DPP10: variants seen among roughly 807,000 people sequenced by gnomAD.
DPP10 encodes dipeptidyl peptidase like 10.
In DPP10, 33 loss-of-function variants were observed where a neutral mutation model predicts 120.9. That is an observed-to-expected ratio of 0.27 (90% CI 0.21 to 0.37). The LOEUF is 0.37. DPP10 is among the 10% of genes least tolerant of loss of function. DPP10 has a pLI of 1.00. For missense variants in DPP10, 816 were observed against 942.8 expected (o/e 0.87, Z 1.76); for synonymous variants, 337 against 326.1 (o/e 1.03, Z -0.36).
intron 1 of DPP10, among the ~76,000 whole-genome samples, chr2:115,124,253 T>A (rs2049964088): frequency 6.6e-6 from 1 of 152,172 alleles, no homozygotes; most frequent in South Asian, 2.1e-4. Flanking sequence ...GACTATGCCC[T>A]TTTCAAGCTT....
chr2:115,378,877 C>G (rs2066039203), intron 3 of DPP10, among the ~76,000 whole-genome samples: 2 of 152,118 alleles, frequency 1.3e-5, no homozygotes, highest in South Asian at 2.1e-4. Context: ...TATATTGAAC[C>G]AGCCTTGCAT....
intron 17 of DPP10, among the ~76,000 whole-genome samples, chr2:115,786,982 A>C (rs1683415651): frequency 6.6e-6 from 1 of 152,192 alleles, no homozygotes; most frequent in South Asian, 2.1e-4. Context: ...TGCTCAAGTT[A>C]TAATCAGCAC....
intron 1 of DPP10, among the ~76,000 whole-genome samples, chr2:115,091,794 A>C (rs772558609): frequency 6.6e-6 from 1 of 152,142 alleles, no homozygotes; most frequent in Non-Finnish European, 1.5e-5. Context: ...CTGAGTGTCC[A>C]TGTTTAGCCC....
At chr2:115,838,970 T>C (rs1316195192) in intron 24 of DPP10, among the ~76,000 whole-genome samples, 2 of 152,174 alleles carry the variant, frequency 1.3e-5, no homozygotes, top group Admixed American at 6.5e-5. Flanking sequence ...CTTTTAGCTA[T>C]AGTAAACAGA....
intron 1 of DPP10, among the ~76,000 whole-genome samples, chr2:114,527,509 C>A (rs997390379): frequency 5.9e-5 from 9 of 152,164 alleles, no homozygotes; most frequent in African/African-American, 2.2e-4. Flanking sequence ...GTTACTGTAT[C>A]TAGTTTGACA....
At chr2:114,708,077 T>A (rs1700793618) in intron 1 of DPP10, among the ~76,000 whole-genome samples, 1 of 152,126 alleles carries the variant, frequency 6.6e-6, no homozygotes, top group African/African-American at 2.4e-5. Context: ...AGCTCCAGTT[T>A]GGTAAGAAAG....
At chr2:115,299,567 A>T (rs1000032119) in intron 1 of DPP10, among the ~76,000 whole-genome samples, 1 of 152,078 alleles carries the variant, frequency 6.6e-6, no homozygotes, top group Non-Finnish European at 1.5e-5. Flanking sequence ...GTGGGAAAAT[A>T]GAGATTAAAA....
chr2:115,787,003 C>T (rs1683417037), intron 17 of DPP10, among the ~76,000 whole-genome samples: 1 of 152,164 alleles, frequency 6.6e-6, no homozygotes, highest in Non-Finnish European at 1.5e-5. Context: ...AGTAGTGGAA[C>T]ATTTAGAAGA....
At chr2:115,618,091 A>G (rs2084664656) in intron 5 of DPP10, among the ~76,000 whole-genome samples, 1 of 152,168 alleles carries the variant, frequency 6.6e-6, no homozygotes, top group African/African-American at 2.4e-5. Flanking sequence ...TCCATTTAAT[A>G]TTAAGCTGCT....
At chr2:115,815,075 G>C in intron 20 of DPP10, 88 bp downstream of exon 20, 1 of 1,292,856 alleles carries the variant, frequency 7.7e-7, no homozygotes, top group South Asian at 2.6e-5. Flanking sequence ...CTGACTCAAG[G>C]CTTCTATTTT....
At chr2:115,834,826 C>T (rs1169321954) in intron 21 of DPP10, among the ~76,000 whole-genome samples, 2 of 152,162 alleles carry the variant, frequency 1.3e-5, no homozygotes, top group Admixed American at 6.5e-5. Context: ...GTGGCTCACG[C>T]CTGTAATCCC....
At chr2:115,485,083 C>T (rs765637692) in intron 3 of DPP10, among the ~76,000 whole-genome samples, 38 of 151,870 alleles carry the variant, frequency 2.5e-4, no homozygotes, top group Non-Finnish European at 3.5e-4. Context: ...AACAAACAAA[C>T]GAACAAATAT....
chr2:115,250,778 T>A (rs1365340883), intron 1 of DPP10, among the ~76,000 whole-genome samples: 1 of 152,198 alleles, frequency 6.6e-6, no homozygotes. Context: ...CAAAGTCTTC[T>A]TTGATAACTT....
At chr2:115,684,516 C>T (rs564404143) in intron 5 of DPP10, among the ~76,000 whole-genome samples, 2 of 151,964 alleles carry the variant, frequency 1.3e-5, no homozygotes, top group South Asian at 2.1e-4. Flanking sequence ...AGCTTGCTTT[C>T]TCACAGTTCA....
chr2:115,660,592 CATCTT>C (rs896274586), intron 5 of DPP10, among the ~76,000 whole-genome samples: 182 of 138,826 alleles, frequency 1.3e-3, no homozygotes, highest in African/African-American at 4.2e-3. Context: ...TTAAAATTAT[CATCTT>C]ATCTTAGACC....
chr2:115,358,551 A>G (rs760909191), intron 3 of DPP10, among the ~76,000 whole-genome samples: 7 of 152,042 alleles, frequency 4.6e-5, no homozygotes, highest in African/African-American at 9.6e-5. Flanking sequence ...ACATTTTCCT[A>G]TCTTCTTCTG....
At chr2:115,823,623 A>G (rs1025620300) in intron 21 of DPP10, among the ~76,000 whole-genome samples, 2 of 152,068 alleles carry the variant, frequency 1.3e-5, no homozygotes, top group Non-Finnish European at 2.9e-5. Context: ...TGGATTTATG[A>G]GATTTATTTT....
At chr2:115,625,348 T>C (rs2085277629) in intron 5 of DPP10, among the ~76,000 whole-genome samples, 1 of 152,144 alleles carries the variant, frequency 6.6e-6, no homozygotes, top group Non-Finnish European at 1.5e-5. Context: ...TATAGTGTGC[T>C]AAGGAGATAC....
chr2:115,030,456 G>T (rs1317407753), intron 1 of DPP10, among the ~76,000 whole-genome samples: 1 of 152,044 alleles, frequency 6.6e-6, no homozygotes, highest in Non-Finnish European at 1.5e-5. Flanking sequence ...GACTCGATTT[G>T]TCATGTAAGG....
Sources: allele counts gnomAD v4.1 joint callset (sites outside exome capture counted in the v4.1 genomes callset), GRCh38; gene constraint gnomAD v4.1.1; transcripts MANE v1.5; gene names NCBI Gene and HGNC (gene_info 2026-07-23, HGNC 2026-07-21).